Variants in CEP152 observed in about 807,000 individuals in gnomAD.
The protein encoded by CEP152 is centrosomal protein of 152 kDa.
Under a neutral mutation model 188.9 loss-of-function variants are expected in CEP152, and 132 were observed. The observed-to-expected ratio is 0.70, with a 90% CI of 0.61 to 0.81. The LOEUF (loss-of-function observed/expected upper bound fraction) is 0.81. Ranked by LOEUF, CEP152 falls within the 30% of genes least tolerant of loss-of-function variation. The pLI, the probability that CEP152 is intolerant of heterozygous loss-of-function variation, is 0.00. For synonymous variants in CEP152, 649 were observed against 666.6 expected (o/e 0.97, Z 0.41); for missense variants, 1,914 against 1,969.8 (o/e 0.97, Z 0.54).
intron 9 of CEP152, among the ~76,000 whole-genome samples, chr15:48,786,001 C>G (rs1416378838): frequency 6.6e-6 from 1 of 151,350 alleles, no homozygotes; most frequent in Non-Finnish European, 1.5e-5. Flanking sequence ...TTCTAGCACA[C>G]AGGAAAATGA....
At position 48,769,015 on chromosome 15, in the gene CEP152, C is replaced by A. The variant is rs993210116; in HGVS notation, c.1849G>T (p.Val617Phe). The A allele has an allele frequency of 6.3e-7, 1 of 1,594,476 alleles. No homozygotes were observed. The highest frequency in any genetic ancestry group is 1.7e-5 in the Admixed American group (1 of 59,900). ...LWPESSTSDV[V>F]RDDILLLKNE... ...TTAAGCAGCAGAATATCATCTCTGA[C>A]AACATCAGAAGTAGAAGACTCAGGC... Residue 617 changes from valine (V) to phenylalanine (F), a missense_variant, in exon 14 of 27, where the codon GTC (valine) becomes TTC (phenylalanine). Physicochemically the swap from Val to Phe is conservative, Grantham distance 50. Coordinates refer to ENST00000380950, the MANE Select transcript of CEP152 (RefSeq NM_001194998.2).
intron 1 of CEP152, chr15:48,810,432 A>G (rs1049208951): frequency 3.3e-5 from 5 of 152,292 alleles, no homozygotes; most frequent in African/African-American, 1.2e-4. Context: ...TAATAACAGC[A>G]CTTTGGACAA....
rs748603785 is a variant in CEP152 at position 48,781,264 on chromosome 15, T to C, written c.1509A>G (p.Ile503Met). Residue 503 changes from isoleucine to methionine, a missense_variant, in exon 12 of 27, where the codon ATA becomes ATG. Physicochemically the swap from Ile to Met is conservative, Grantham distance 10 (BLOSUM62 1). Transcript: ENST00000380950. ...HPSDSEGELN[I>M]ELTESYVDLG... ...AATCCACATACGATTCAGTGAGTTC[T>C]ATATTTAATTCTCCTTCTGAGTCAC... 3.1e-5 allele frequency: 50 copies of C among 1,613,376 alleles called. No homozygotes were observed. In the South Asian group the frequency reaches 3.5e-4, roughly 11 times the overall value.
chr15:48,776,615 A>G (rs1895925890), intron 12 of CEP152, among the ~76,000 whole-genome samples: 1 of 152,174 alleles, frequency 6.6e-6, no homozygotes, highest in Admixed American at 6.5e-5. Context: ...GCGATTTAGT[A>G]GCTAAACTGG....
In CEP152 at chr15:48,754,970, C is replaced by T. The variant is rs538987712; in HGVS notation, c.3345+933G>A. On this transcript the variant is annotated intron_variant, in intron 20 of 26. Coordinates refer to ENST00000380950, the MANE Select transcript of CEP152 (RefSeq NM_001194998.2). ...CCTTAATCACAATATTTTGATGGAACTTCACTCTTAAGTCTCAACTCTATT... is the reference window on the plus strand; with the variant it reads ...CCTTAATCACAATATTTTGATGGAATTTCACTCTTAAGTCTCAACTCTATT... 2.0e-5 allele frequency among the ~76,000 whole-genome samples: 3 copies of T among 151,762 alleles called. No homozygotes were observed. In the South Asian group the frequency reaches 6.2e-4, roughly 32 times the overall value.
chr15:48,765,478 A>G (rs1217729031), intron 17 of CEP152, among the ~76,000 whole-genome samples: 1 of 151,686 alleles, frequency 6.6e-6, no homozygotes, highest in Non-Finnish European at 1.5e-5. Context: ...ACTTGTGTAC[A>G]AACACTCATG....
At chr15:48,808,151 A>T (rs1240454787) in intron 1 of CEP152, among the ~76,000 whole-genome samples, 2 of 151,996 alleles carry the variant, frequency 1.3e-5, no homozygotes, top group Admixed American at 6.5e-5. Flanking sequence ...TACATATTTT[A>T]AATGAGACTT....
intron 17 of CEP152, among the ~76,000 whole-genome samples, chr15:48,765,232 T>C (rs1294374482): frequency 1.3e-5 from 2 of 152,136 alleles, no homozygotes; most frequent in Admixed American, 1.3e-4. Context: ...CACAAAAAGA[T>C]AGCAAAAGGG....
chr15:48,797,887 A>C, intron 3 of CEP152, 61 bp downstream of exon 3: 1 of 1,506,716 alleles, frequency 6.6e-7, no homozygotes. Context: ...ATTAATCTTC[A>C]TCAAAAGAAA....
chr15:48,793,328 T>C lies in CEP152; in HGVS notation c.825A>G (p.Ile275Met), dbSNP rs1188398010. 6.2e-7 allele frequency: 1 copy of C among 1,613,814 alleles called. No individual in the cohort carries two copies. The highest frequency in any genetic ancestry group is 1.7e-5 in the Admixed American group (1 of 60,010). The change falls in exon 7 of 27, where the codon ATA becomes ATG. Residue 275 changes from isoleucine to methionine, a missense_variant. Coordinates refer to ENST00000380950, the MANE Select transcript of CEP152 (RefSeq NM_001194998.2). Reference protein sequence around the residue: ...QIRYLNHQLVIIKDEKDGLTL... With the variant: ...QIRYLNHQLVMIKDEKDGLTL... ...CAGCATCCAGCATCTTACCTTTTAT[T>C]ATTACAAGCTGGTGATTCAGATATC...
intron 26 of CEP152, 35 bp from the exon 27 acceptor site, chr15:48,739,323 AATTAAT>A: frequency 6.3e-7 from 1 of 1,576,152 alleles, no homozygotes. Flanking sequence ...ATTAAGAGAA[AATTAAT>A]ATTTAAAGGG....
chr15:48,750,296 G>A (rs576944548), intron 21 of CEP152, among the ~76,000 whole-genome samples: 1 of 152,026 alleles, frequency 6.6e-6, no homozygotes, highest in African/African-American at 2.4e-5. Flanking sequence ...ATTGTCATTA[G>A]TAATACATAA....
At chr15:48,747,733 G>A (rs769862969) in intron 22 of CEP152, among the ~76,000 whole-genome samples, 27 of 152,170 alleles carry the variant, frequency 1.8e-4, no homozygotes, top group African/African-American at 3.9e-4. Context: ...AGAGTATAGC[G>A]TATAGGCTAT....
rs1371448435 is a variant in CEP152, at chr15:48,772,534, C to T, written c.1735G>A (p.Glu579Lys). ...TCCTTCTTCACTTGGTGGAGATCTT[C>T]AATTTTCTTATGACAGTCTTTGAGG... is the stretch of plus-strand genomic sequence containing the variant. ...NDLKDCHKKI[E>K]DLHQVKKDEK... The change falls in exon 13 of 27, where the codon GAA becomes AAA. Residue 579 changes from glutamate (E) to lysine (K), a missense_variant. Coordinates refer to ENST00000380950, the MANE Select transcript of CEP152 (RefSeq NM_001194998.2). 1 of 1,613,642 alleles carries T rather than the reference C, an allele frequency of 6.2e-7. No homozygotes were observed. The highest frequency in any genetic ancestry group is 8.5e-7 in the Non-Finnish European group (1 of 1,179,984).
downstream of CEP152, among the ~76,000 whole-genome samples, chr15:48,734,897 A>G (rs571084187): frequency 9.2e-5 from 14 of 152,244 alleles, no homozygotes; most frequent in Non-Finnish European, 2.1e-4. Flanking sequence ...ACAGAATTGA[A>G]AGAAAAAAGT....
At chr15:48,803,076 T>C (rs1897772805) in intron 2 of CEP152, among the ~76,000 whole-genome samples, 1 of 152,204 alleles carries the variant, frequency 6.6e-6, no homozygotes, top group Non-Finnish European at 1.5e-5. Flanking sequence ...TGGTAAGCCT[T>C]ATAGCACATC....
downstream of CEP152, among the ~76,000 whole-genome samples, chr15:48,736,399 T>C (rs140257930): frequency 2.9e-3 from 437 of 152,112 alleles, no homozygotes; most frequent in African/African-American, 1.0e-2. Context: ...AAGTATAAAA[T>C]AAAATAAAAA....
At chr15:48,751,561 T>A (rs1595605765) in intron 21 of CEP152, among the ~76,000 whole-genome samples, 2 of 152,206 alleles carry the variant, frequency 1.3e-5, no homozygotes, top group East Asian at 1.9e-4. Flanking sequence ...CTGAGGTTAT[T>A]TACTTAGTAG....
intron 9 of CEP152, among the ~76,000 whole-genome samples, chr15:48,784,485 A>G (rs561329136): frequency 6.6e-6 from 1 of 152,350 alleles, no homozygotes; most frequent in South Asian, 2.1e-4. Flanking sequence ...GTGTATGTAT[A>G]TATATTTAGG....
Sources: allele counts gnomAD v4.1 joint callset (sites outside exome capture counted in the v4.1 genomes callset), GRCh38; gene constraint gnomAD v4.1.1; transcripts MANE v1.5; gene names NCBI Gene and HGNC (gene_info 2026-07-23, HGNC 2026-07-21).